C12orf42: variants seen among roughly 807,000 people sequenced by gnomAD.
The protein encoded by C12orf42 is chromosome 12 open reading frame 42.
Under a neutral mutation model 21.6 loss-of-function variants are expected in C12orf42, and 25 were observed. The ratio of observed to expected loss-of-function variants is 1.16; its 90% confidence interval spans 0.84 to 1.62. The LOEUF (loss-of-function observed/expected upper bound fraction) is 1.62, where lower values mean the gene tolerates loss of function less well. Among genes scored for constraint, C12orf42 ranks in the 40% most tolerant of loss-of-function variants. C12orf42 has a pLI of 0.00. For missense variants in C12orf42, 483 were observed against 459.3 expected (o/e 1.05, Z -0.47); for synonymous variants, 174 against 175.0 (o/e 0.99, Z 0.05).
downstream of C12orf42, among the ~76,000 whole-genome samples, chr12:103,266,211 A>G (rs899465287): frequency 3.3e-5 from 5 of 152,168 alleles, no homozygotes; most frequent in African/African-American, 9.6e-5. Context: ...GAAAAATTGT[A>G]TTTGGAAATG....
chr12:103,550,633 A>G, the C12orf42 span: 2 of 152,180 alleles, frequency 1.3e-5, no homozygotes, highest in Non-Finnish European at 2.9e-5. Flanking sequence ...CTTTGCTAAA[A>G]TCATAATTAT....
chr12:103,105,080 A>C, the C12orf42 span, among the ~76,000 whole-genome samples: 2 of 152,154 alleles, frequency 1.3e-5, no homozygotes, highest in Non-Finnish European at 2.9e-5. Context: ...CTTATACAGA[A>C]ATCTCTGGGC....
chr12:103,555,206 A>T, the C12orf42 span, among the ~76,000 whole-genome samples: 3 of 152,160 alleles, frequency 2.0e-5, no homozygotes, highest in Non-Finnish European at 4.4e-5. Context: ...GACTGGGGGA[A>T]AAAAGAGGTT....
intron 2 of C12orf42, among the ~76,000 whole-genome samples, chr12:103,432,164 T>G (rs1007694148): frequency 2.0e-5 from 3 of 152,176 alleles, no homozygotes; most frequent in Non-Finnish European, 4.4e-5. Flanking sequence ...CCCTTACCAG[T>G]CAAGTGTTCC....
intron 4 of C12orf42, among the ~76,000 whole-genome samples, chr12:103,344,396 G>T (rs1269209621): frequency 2.0e-5 from 3 of 152,118 alleles, no homozygotes; most frequent in Non-Finnish European, 4.4e-5. Context: ...TACACAGGCT[G>T]GCCAGTGAAG....
the C12orf42 span, among the ~76,000 whole-genome samples, chr12:103,135,644 G>T: frequency 6.6e-6 from 1 of 152,012 alleles, no homozygotes; most frequent in Non-Finnish European, 1.5e-5. Flanking sequence ...TAAACATAGA[G>T]GTGAAAATGC....
chr12:103,275,023 T>C (rs2035684280), intron 5 of C12orf42, among the ~76,000 whole-genome samples: 1 of 152,166 alleles, frequency 6.6e-6, no homozygotes, highest in Non-Finnish European at 1.5e-5. Context: ...CATGACTCTT[T>C]TTTTTCCACC....
the C12orf42 span, among the ~76,000 whole-genome samples, chr12:103,232,337 T>C: frequency 5.3e-5 from 8 of 152,184 alleles, no homozygotes. Flanking sequence ...CTCTTTCTTT[T>C]ATGGATTGTG....
the C12orf42 span, among the ~76,000 whole-genome samples, chr12:103,154,132 A>G: frequency 6.6e-6 from 1 of 152,038 alleles, no homozygotes; most frequent in African/African-American, 2.4e-5. Context: ...AGCATAACTA[A>G]TTATTGTTGA....
At chr12:103,143,245 T>C in the C12orf42 span, among the ~76,000 whole-genome samples, 2 of 152,168 alleles carry the variant, frequency 1.3e-5, no homozygotes, top group Admixed American at 6.6e-5. Flanking sequence ...CCCTGACCCA[T>C]GAAAGGAGGC....
intron 3 of C12orf42, among the ~76,000 whole-genome samples, chr12:103,384,266 TG>T (rs1209085743): frequency 2.3e-5 from 3 of 132,522 alleles, no homozygotes; most frequent in African/African-American, 7.9e-5. Flanking sequence ...AAAAAAAAAG[TG>T]GGGGGTGCTC....
the C12orf42 span, among the ~76,000 whole-genome samples, chr12:103,213,489 A>G: frequency 2.0e-5 from 3 of 152,188 alleles, no homozygotes; most frequent in South Asian, 6.2e-4. Flanking sequence ...CTTGTGTTCA[A>G]AGGGAAGCAT....
chr12:103,494,486 T>A (rs1034845370), intron 1 of C12orf42, among the ~76,000 whole-genome samples: 1 of 152,076 alleles, frequency 6.6e-6, no homozygotes. Context: ...TTTATTGGCA[T>A]TTTTTTATCT....
chr12:103,188,713 C>G, the C12orf42 span, among the ~76,000 whole-genome samples: 2 of 152,174 alleles, frequency 1.3e-5, no homozygotes, highest in African/African-American at 4.8e-5. Context: ...CTTGCTTCCT[C>G]TCTTGTCATA....
the C12orf42 span, among the ~76,000 whole-genome samples, chr12:103,111,283 T>A: frequency 1.3e-5 from 2 of 152,322 alleles, no homozygotes; most frequent in South Asian, 4.1e-4. Flanking sequence ...TGATTTCTAT[T>A]TTCTCCTGTC....
At chr12:103,328,560 A>T (rs1320865686) in intron 4 of C12orf42, among the ~76,000 whole-genome samples, 1 of 152,194 alleles carries the variant, frequency 6.6e-6, no homozygotes, top group Non-Finnish European at 1.5e-5. Context: ...CCTCTTTCAC[A>T]ATAGGAAGAT....
chr12:103,545,192 T>C, the C12orf42 span, among the ~76,000 whole-genome samples: 1 of 152,230 alleles, frequency 6.6e-6, no homozygotes, highest in Non-Finnish European at 1.5e-5. Context: ...TCAGGAAATC[T>C]TATCTACCAT....
the C12orf42 span, among the ~76,000 whole-genome samples, chr12:103,159,734 C>G: frequency 6.6e-6 from 1 of 152,158 alleles, no homozygotes; most frequent in Non-Finnish European, 1.5e-5. Flanking sequence ...CCCATTTGTC[C>G]CTATGTTCAT....
chr12:103,054,143 A>G, the C12orf42 span, among the ~76,000 whole-genome samples: 1,125 of 151,994 alleles, frequency 7.4e-3, 18 homozygotes, highest in African/African-American at 0.026. Context: ...GGATTTTGAT[A>G]GTGATTGCAT....
Sources: gnomAD v4.1 joint callset for allele counts (sites outside exome capture counted in the v4.1 genomes callset) on GRCh38, gnomAD v4.1.1 for gene constraint, MANE v1.5 for transcripts, NCBI Gene and HGNC (gene_info 2026-07-23, HGNC 2026-07-21) for gene names.